Variants in NBAS observed in about 807,000 individuals in gnomAD.
NBAS encodes the protein NBAS subunit of NRZ tethering complex, also known as NAG/BC035112 fusion.
A neutral mutation model predicts 302.5 loss-of-function variants in NBAS; 219 were observed. The observed-to-expected ratio is 0.72, with a 90% CI of 0.65 to 0.81. NBAS has a LOEUF of 0.81. NBAS is among the 30% of genes least tolerant of loss of function. NBAS has a pLI of 0.00. For synonymous variants in NBAS, 1,118 were observed against 1,021.6 expected, an observed-to-expected ratio of 1.09 and a Z score of -1.80; for missense variants, 2,932 against 2,841.6, an observed-to-expected ratio of 1.03 and a Z score of -0.72.
At chr2:14,893,323 T>C in the NBAS span, among the ~76,000 whole-genome samples, 76 of 152,310 alleles carry the variant, frequency 5.0e-4, no homozygotes, top group African/African-American at 1.8e-3. Flanking sequence ...TTATTTGTCC[T>C]TTCTGCTTAT....
intron 10 of NBAS, among the ~76,000 whole-genome samples, chr2:15,509,833 A>G (rs1039330560): frequency 2.7e-5 from 4 of 145,688 alleles, no homozygotes; most frequent in Non-Finnish European, 6.0e-5. Flanking sequence ...CCCAAGCTGC[A>G]TAATTTTGGC....
chr2:14,883,130 A>G, the NBAS span, among the ~76,000 whole-genome samples: 2 of 152,238 alleles, frequency 1.3e-5, no homozygotes, highest in Non-Finnish European at 2.9e-5. Flanking sequence ...TAAAGATTCT[A>G]TTGAAAGACA....
chr2:15,085,876 G>A, the NBAS span, among the ~76,000 whole-genome samples: 7,218 of 152,228 alleles, frequency 0.047, 376 homozygotes, highest in African/African-American at 0.11. Context: ...CAGAAGTGTG[G>A]GGGAGGGTGA....
chr2:14,824,657 C>A, the NBAS span, among the ~76,000 whole-genome samples: 3 of 152,112 alleles, frequency 2.0e-5, no homozygotes, highest in African/African-American at 4.8e-5. Context: ...GAAGAGCATG[C>A]ATATGAAATT....
chr2:14,943,862 C>T, the NBAS span, among the ~76,000 whole-genome samples: 1 of 151,986 alleles, frequency 6.6e-6, no homozygotes, highest in African/African-American at 2.4e-5. Context: ...CCCCATGATT[C>T]CTTTTTTGCA....
the NBAS span, among the ~76,000 whole-genome samples, chr2:14,887,867 T>C: frequency 2.0e-5 from 3 of 152,236 alleles, no homozygotes; most frequent in Non-Finnish European, 4.4e-5. Flanking sequence ...AATTGAATAA[T>C]GTATGACTGA....
At chr2:14,981,116 C>A in the NBAS span, among the ~76,000 whole-genome samples, 1 of 151,898 alleles carries the variant, frequency 6.6e-6, no homozygotes, top group Non-Finnish European at 1.5e-5. Context: ...GAAATGTTCC[C>A]ATAAATGAAG....
At chr2:15,147,642 T>C in the NBAS span, among the ~76,000 whole-genome samples, 3 of 152,144 alleles carry the variant, frequency 2.0e-5, no homozygotes, top group East Asian at 5.8e-4. Flanking sequence ...CCAGGCCCCT[T>C]CAACCCTAAT....
At chr2:14,991,820 G>A in the NBAS span, among the ~76,000 whole-genome samples, 1 of 152,184 alleles carries the variant, frequency 6.6e-6, no homozygotes, top group Non-Finnish European at 1.5e-5. Flanking sequence ...AGTTTGAGGA[G>A]CACTGTTCTA....
At chr2:15,197,423 C>A (rs1028881747) in intron 48 of NBAS, among the ~76,000 whole-genome samples, 1 of 152,144 alleles carries the variant, frequency 6.6e-6, no homozygotes, top group African/African-American at 2.4e-5. Context: ...GTGCTGATGA[C>A]GTCTACTTCA....
At chr2:15,437,043 C>A (rs1220276479) in intron 21 of NBAS, among the ~76,000 whole-genome samples, 1 of 152,150 alleles carries the variant, frequency 6.6e-6, no homozygotes, top group African/African-American at 2.4e-5. Flanking sequence ...ACATGTACAG[C>A]AGATTTTTTT....
chr2:15,076,767 G>A, the NBAS span, among the ~76,000 whole-genome samples: 1 of 136,276 alleles, frequency 7.3e-6, no homozygotes, highest in African/African-American at 3.0e-5. Context: ...CAGCTGTGCA[G>A]GCACTGTCTG....
the NBAS span, among the ~76,000 whole-genome samples, chr2:14,922,260 A>T: frequency 6.6e-6 from 1 of 152,234 alleles, no homozygotes; most frequent in African/African-American, 2.4e-5. Flanking sequence ...TCTGTAAGAT[A>T]AGCAGGTAGG....
chr2:15,271,417 T>G (rs1386098912), intron 44 of NBAS, among the ~76,000 whole-genome samples: 5 of 152,184 alleles, frequency 3.3e-5, no homozygotes, highest in Admixed American at 3.3e-4. Context: ...TGTTTCCCAT[T>G]AGAAGCAGTG....
chr2:15,444,795 A>C (rs1157759435), intron 21 of NBAS, among the ~76,000 whole-genome samples: 1 of 152,156 alleles, frequency 6.6e-6, no homozygotes, highest in Non-Finnish European at 1.5e-5. Context: ...AATGAACTCA[A>C]ACAAATTTAC....
the NBAS span, among the ~76,000 whole-genome samples, chr2:15,015,074 T>A: frequency 1.3e-4 from 19 of 148,808 alleles, no homozygotes; most frequent in African/African-American, 4.0e-4. Flanking sequence ...CTACCAAGAT[T>A]AAACTAAGAA....
At chr2:14,935,743 G>T in the NBAS span, among the ~76,000 whole-genome samples, 5 of 152,188 alleles carry the variant, frequency 3.3e-5, no homozygotes, top group African/African-American at 1.2e-4. Context: ...AGAAGAGTCT[G>T]CATGTGTGCC....
the NBAS span, among the ~76,000 whole-genome samples, chr2:14,880,709 A>G: frequency 6.6e-6 from 1 of 152,048 alleles, no homozygotes; most frequent in African/African-American, 2.4e-5. Flanking sequence ...AGAGGATTCA[A>G]CATATATATT....
chr2:15,117,237 C>A, the NBAS span, among the ~76,000 whole-genome samples: 1 of 152,172 alleles, frequency 6.6e-6, no homozygotes. Context: ...ACATAACCTG[C>A]TCAAAATAAC....
Sources: allele counts gnomAD v4.1 joint callset (sites outside exome capture counted in the v4.1 genomes callset), GRCh38; gene constraint gnomAD v4.1.1; transcripts MANE v1.5; gene names NCBI Gene and HGNC (gene_info 2026-07-23, HGNC 2026-07-21).